The following TP63 variants were observed in gnomAD, a reference collection of about 807,000 sequenced individuals.
The protein encoded by TP63 is tumor protein 63.
In TP63, 17 loss-of-function variants were observed where a neutral mutation model predicts 82.8. The observed-to-expected ratio is 0.21, with a 90% CI of 0.14 to 0.31. TP63 has a LOEUF of 0.31. Ranked by LOEUF, TP63 falls within the 10% of genes least tolerant of loss-of-function variation. TP63 has a pLI of 1.00. For synonymous variants in TP63, 330 were observed against 321.7 expected, an observed-to-expected ratio of 1.03 and a Z score of -0.28; for missense variants, 648 against 895.3, an observed-to-expected ratio of 0.72 and a Z score of 3.52.
At chr3:189,741,237 A>G (rs538419303) in intron 3 of TP63, among the ~76,000 whole-genome samples, 1 of 152,202 alleles carries the variant, frequency 6.6e-6, no homozygotes, top group South Asian at 2.1e-4. Flanking sequence ...ATTCCTAACA[A>G]CGTAGAAATC....
chr3:189,687,952 A>C lies in TP63; in HGVS notation c.63-49788A>C, dbSNP rs535671844. Among the ~76,000 whole-genome samples, 36 of 151,946 alleles carry C rather than the reference A, an allele frequency of 2.4e-4. No individual in the cohort carries two copies. In the South Asian group the frequency reaches 5.6e-3, roughly 24 times the overall value. Reference sequence around the variant, plus strand: ...AGACTAGACTATGTTATGGCTCTTTATTTCCCTTTCATTTCAAAGAAGCTC... The same window carrying C: ...AGACTAGACTATGTTATGGCTCTTTCTTTCCCTTTCATTTCAAAGAAGCTC... On this transcript the variant is annotated intron_variant, in intron 1 of 13. Coordinates refer to ENST00000264731, the MANE Select transcript of TP63 (RefSeq NM_003722.5).
chr3:189,635,309 G>A (rs12107970), intron 1 of TP63, among the ~76,000 whole-genome samples: 17,416 of 152,018 alleles, frequency 0.11, 1,351 homozygotes, highest in East Asian at 0.38. Flanking sequence ...TATCCCAAAA[G>A]GAAGAGTGAT....
intron 3 of TP63, among the ~76,000 whole-genome samples, chr3:189,746,928 A>G (rs1039630252): frequency 1.3e-5 from 2 of 151,956 alleles, no homozygotes; most frequent in East Asian, 3.9e-4. Context: ...TTTCATGCAT[A>G]TGGAAACCAA....
chr3:189,752,962 C>T (rs1182768483), intron 3 of TP63, among the ~76,000 whole-genome samples: 1 of 151,976 alleles, frequency 6.6e-6, no homozygotes, highest in Non-Finnish European at 1.5e-5. Context: ...TTTCTGTTAC[C>T]TTTCTATACT....
rs754962276 is a variant in TP63, at chr3:189,894,534, C to T, written c.*32C>T. 5 of 1,610,316 alleles carry T rather than the reference C, an allele frequency of 3.1e-6. No homozygotes were observed. In the Admixed American group the frequency reaches 6.7e-5, roughly 21 times the overall value. On this transcript the variant is annotated 3_prime_UTR_variant, in exon 14 of 14. Transcript: ENST00000264731. ...CCATGTGAGCTCTTCCTATCCCTCT[C>T]CTAACTGCCAGCCCCCTAAAAGCAC...
chr3:189,846,244 C>T (rs1210136325), intron 4 of TP63, among the ~76,000 whole-genome samples: 1 of 152,050 alleles, frequency 6.6e-6, no homozygotes, highest in Non-Finnish European at 1.5e-5. Flanking sequence ...GCTCACCCCT[C>T]GATATTCCAA....
chr3:189,731,480 AT>A (rs1412220329), intron 1 of TP63, among the ~76,000 whole-genome samples: 1 of 152,246 alleles, frequency 6.6e-6, no homozygotes, highest in Non-Finnish European at 1.5e-5. Context: ...TCTCAGGTCT[AT>A]TATTTCTAAA....
At chr3:189,697,833 A>AT (rs141677923) in intron 1 of TP63, among the ~76,000 whole-genome samples, 13,007 of 151,816 alleles carry the variant, frequency 0.086, 595 homozygotes, top group South Asian at 0.15. Context: ...ATAAATTTTC[A>AT]TTTTTATTTG....
intron 3 of TP63, among the ~76,000 whole-genome samples, chr3:189,807,049 G>A (rs935521016): frequency 2.0e-5 from 3 of 152,122 alleles, no homozygotes; most frequent in African/African-American, 4.8e-5. Flanking sequence ...AAATATGTAC[G>A]AATAGGACTG....
intron 3 of TP63, among the ~76,000 whole-genome samples, chr3:189,770,350 A>G (rs1576915567): frequency 6.6e-6 from 1 of 152,174 alleles, no homozygotes; most frequent in Admixed American, 6.5e-5. Flanking sequence ...AGGCCGAGGC[A>G]GGTGGATTAC....
At chr3:189,797,488 C>T (rs1725833112) in intron 3 of TP63, among the ~76,000 whole-genome samples, 1 of 152,044 alleles carries the variant, frequency 6.6e-6, no homozygotes, top group Non-Finnish European at 1.5e-5. Context: ...ATCACAGAGA[C>T]AATGGGGAAT....
chr3:189,624,666 A>AT, the TP63 span, among the ~76,000 whole-genome samples: 1 of 152,198 alleles, frequency 6.6e-6, no homozygotes, highest in Non-Finnish European at 1.5e-5. Flanking sequence ...TATGTGGTGC[A>AT]TTTATAATTG....
chr3:189,894,386 C>A lies in TP63; in HGVS notation c.1927C>A (p.Arg643=). ...GGGTGAGCGTGTTATTGATGCTGTGCGATTCACCCTCCGCCAGACCATCTC... is the reference window on the plus strand; with the variant it reads ...GGGTGAGCGTGTTATTGATGCTGTGAGATTCACCCTCCGCCAGACCATCTC... ...TRGERVIDAV[R]FTLRQTISFP... is the part of the protein sequence containing the mutation. The change falls in exon 14 of 14, where the codon CGA becomes AGA. Residue 643 remains arginine, a synonymous_variant. Coordinates refer to ENST00000264731, the MANE Select transcript of TP63 (RefSeq NM_003722.5). 2 of 1,613,954 alleles carry A rather than the reference C, an allele frequency of 1.2e-6. No homozygotes were observed. Among genetic ancestry groups the A allele is most frequent in the Non-Finnish European group, 1.7e-6 (2 of 1,179,986 alleles).
rs752385883 is a variant in TP63, at chr3:189,894,167, C to G, written c.1747-39C>G. 9 of 1,613,600 alleles carry G rather than the reference C, an allele frequency of 5.6e-6. No homozygotes were observed. The South Asian group carries it at 9.9e-5, about 18-fold the overall frequency. Reference sequence around the variant, plus strand: ...GTGGACTAAATGTCCGTTTTTCTCCCTGTTTTCATTCTCCATGACACCTTC... The same window carrying G: ...GTGGACTAAATGTCCGTTTTTCTCCGTGTTTTCATTCTCCATGACACCTTC... On this transcript the variant is annotated intron_variant, in intron 13 of 13. Coordinates refer to ENST00000264731, the MANE Select transcript of TP63 (RefSeq NM_003722.5).
chr3:189,886,416 T>C lies in TP63; in HGVS notation c.1372T>C (p.Ser458Pro), dbSNP rs1237515956. 1 of 1,614,134 alleles carries C rather than the reference T, an allele frequency of 6.2e-7. No individual in the cohort carries two copies. The change falls in exon 11 of 14, where the codon TCA becomes CCA. Residue 458 changes from serine (S) to proline (P), a missense_variant. Coordinates refer to ENST00000264731, the MANE Select transcript of TP63 (RefSeq NM_003722.5). ...TAGGACCTCAATACAGTCTCCATCT[T>C]CATATGGTAACAGCTCCCCACCTCT... ...QKQTSIQSPS[S>P]YGNSSPPLNK...
At chr3:189,869,905 A>G (rs1432934521) in intron 9 of TP63, among the ~76,000 whole-genome samples, 2 of 152,130 alleles carry the variant, frequency 1.3e-5, no homozygotes, top group South Asian at 2.1e-4. Context: ...AGAGCTGGTG[A>G]TACAAAGGAG....
chr3:189,611,559 A>G, the TP63 span, among the ~76,000 whole-genome samples: 1 of 152,204 alleles, frequency 6.6e-6, no homozygotes, highest in African/African-American at 2.4e-5. Flanking sequence ...TATAGTTTGA[A>G]GTCAGGTAAC....
chr3:189,677,284 A>G (rs1298640435), intron 1 of TP63, among the ~76,000 whole-genome samples: 1 of 136,308 alleles, frequency 7.3e-6, no homozygotes, highest in African/African-American at 2.5e-5. Context: ...ACACAGTGGA[A>G]TACTACTATA....
intron 3 of TP63, among the ~76,000 whole-genome samples, chr3:189,791,742 G>A (rs1321828516): frequency 3.3e-5 from 5 of 151,964 alleles, no homozygotes; most frequent in Non-Finnish European, 7.4e-5. Context: ...ATTCTATTAC[G>A]TACGAACAAC....
Sources: allele counts gnomAD v4.1 joint callset (sites outside exome capture counted in the v4.1 genomes callset), GRCh38; gene constraint gnomAD v4.1.1; transcripts MANE v1.5; gene names NCBI Gene and HGNC (gene_info 2026-07-23, HGNC 2026-07-21).